The following NNT variants were observed in gnomAD, a reference collection of about 807,000 sequenced individuals.
NNT encodes NAD(P) transhydrogenase, mitochondrial.
A neutral mutation model predicts 104.8 loss-of-function variants in NNT; 50 were observed. The ratio of observed to expected loss-of-function variants is 0.48; its 90% CI spans 0.38 to 0.60. The LOEUF (loss-of-function observed/expected upper bound fraction) is 0.60. NNT is among the 20% of genes least tolerant of loss of function. NNT has a pLI of 0.00. For synonymous variants in NNT, 461 were observed against 490.4 expected (o/e 0.94, Z 0.79); for missense variants, 1,131 against 1,330.7 (o/e 0.85, Z 2.33).
At position 43,681,026 on chromosome 5, in the gene NNT, T is replaced by C. The variant is rs577491913; in HGVS notation, c.2876+3220T>C. Among the ~76,000 whole-genome samples, 36 of 152,106 alleles carry C rather than the reference T, an allele frequency of 2.4e-4. 1 individual carries two copies. In the South Asian group the frequency reaches 7.3e-3, roughly 31 times the overall value. ...CTGTAATCCCAGCACTTTGGGAGGC[T>C]GAGGCAGGCAGACCAAGAGGTCAGG... On this transcript the variant is annotated intron_variant, in intron 19 of 21. Transcript: ENST00000344920.
intron 19 of NNT, among the ~76,000 whole-genome samples, chr5:43,688,631 G>C (rs760060812): frequency 1.9e-4 from 29 of 151,852 alleles, no homozygotes; most frequent in Non-Finnish European, 3.8e-4. Flanking sequence ...TGATAGCTTA[G>C]CTCCCACTTA....
intron 19 of NNT, among the ~76,000 whole-genome samples, chr5:43,698,572 A>T (rs1230367722): frequency 6.6e-6 from 1 of 152,008 alleles, no homozygotes; most frequent in Non-Finnish European, 1.5e-5. Flanking sequence ...ATTTATTTCA[A>T]TGTTTAATAT....
In NNT at chr5:43,661,727, G is replaced by C. The variant is rs887048756; in HGVS notation, c.2634+2377G>C. 2.6e-5 allele frequency among the ~76,000 whole-genome samples: 4 copies of C among 151,748 alleles called. No individual in the cohort carries two copies. In the East Asian group the frequency reaches 7.8e-4, roughly 29 times the overall value. ...TTTCCAATTTCATCCATGTCCCTAC[G>C]AAGGACATGAACTCATCATTTTTTA... On this transcript the variant is annotated intron_variant, in intron 17 of 21. Transcript: ENST00000344920.
chr5:43,624,215 A>G (rs1750246428), intron 6 of NNT, 95 bp downstream of exon 6: 6 of 1,009,922 alleles, frequency 5.9e-6, no homozygotes, highest in Non-Finnish European at 9.5e-6. Context: ...GAAGTAGCAC[A>G]TTGCAACTGG....
At chr5:43,688,577 T>G (rs552575772) in intron 19 of NNT, among the ~76,000 whole-genome samples, 2 of 152,148 alleles carry the variant, frequency 1.3e-5, no homozygotes, top group African/African-American at 4.8e-5. Context: ...CCCTTTCCTC[T>G]GAGTCCCTAA....
At chr5:43,650,671 T>C (rs1739711188) in intron 12 of NNT, 84 bp downstream of exon 12, 2 of 1,014,416 alleles carry the variant, frequency 2.0e-6, no homozygotes. Context: ...TAGACATAAT[T>C]GTGCCTTCAA....
intron 8 of NNT, 58 bp downstream of exon 8, chr5:43,644,383 G>A: frequency 6.4e-7 from 1 of 1,561,928 alleles, no homozygotes; most frequent in Non-Finnish European, 8.7e-7. Flanking sequence ...GTTATGGGGG[G>A]GTGTTTATTT....
At position 43,670,576 on chromosome 5, in the gene NNT, A is replaced by G. The variant is rs537644142; in HGVS notation, c.2635-4935A>G. On this transcript the variant is annotated intron_variant, in intron 17 of 21. Transcript: ENST00000344920. ...TTCAGGAGCAGGTTGCTCAGTTTCC[A>G]TGTAGTTGAGTGGTTTTCAGTGAGT... 5.4e-4 allele frequency among the ~76,000 whole-genome samples: 82 copies of G among 152,294 alleles called. 1 individual carries two copies. The highest frequency in any genetic ancestry group is 1.9e-3 in the African/African-American group (80 of 41,558).
intron 19 of NNT, among the ~76,000 whole-genome samples, chr5:43,679,970 T>A (rs552532933): frequency 4.7e-4 from 71 of 151,960 alleles, no homozygotes; most frequent in Non-Finnish European, 9.0e-4. Context: ...GTCATCTTTC[T>A]TTCATATTAA....
chr5:43,672,080 T>C (rs1741133185), intron 17 of NNT, among the ~76,000 whole-genome samples: 1 of 152,278 alleles, frequency 6.6e-6, no homozygotes, highest in African/African-American at 2.4e-5. Flanking sequence ...TCGAATTGGC[T>C]ACTGAAACTT....
intron 6 of NNT, among the ~76,000 whole-genome samples, chr5:43,625,077 G>T (rs1393635890): frequency 1.3e-5 from 2 of 152,082 alleles, no homozygotes; most frequent in Non-Finnish European, 2.9e-5. Flanking sequence ...ACAAACCAAG[G>T]ATAGCTAGAG....
chr5:43,669,025 T>G (rs940061882), intron 17 of NNT, among the ~76,000 whole-genome samples: 2 of 152,204 alleles, frequency 1.3e-5, no homozygotes, highest in Admixed American at 6.5e-5. Context: ...CCTAGGTATT[T>G]TATTCTCTTT....
At chr5:43,675,064 T>G (rs1741339730) in intron 17 of NNT, among the ~76,000 whole-genome samples, 1 of 152,184 alleles carries the variant, frequency 6.6e-6, no homozygotes, top group South Asian at 2.1e-4. Context: ...GGCAGCAAAA[T>G]TCTAGATGAA....
Position 43,704,420 on chromosome 5 carries a change from C to T in NNT, c.*16C>T, listed in dbSNP as rs1216350199. 30 of 1,612,758 alleles carry T rather than the reference C, an allele frequency of 1.9e-5. No homozygotes were observed. Among genetic ancestry groups the T allele is most frequent in the Non-Finnish European group, 2.4e-5 (28 of 1,179,322 alleles). On this transcript the variant is annotated 3_prime_UTR_variant, in exon 22 of 22. Coordinates refer to ENST00000344920, the MANE Select transcript of NNT (RefSeq NM_182977.3). ...TCAGAAGTAAATATTAAGGATCAAG[C>T]TGTTAGCTAATAATGCCACCTCTGC... is the stretch of plus-strand genomic sequence containing the variant.
Position 43,659,377 on chromosome 5 carries a change from A to C in NNT, c.2634+27A>C, listed in dbSNP as rs372811680. 7 of 1,557,962 alleles carry C rather than the reference A, an allele frequency of 4.5e-6. No individual in the cohort carries two copies. In the African/African-American group the frequency reaches 9.6e-5, roughly 21 times the overall value. ...TAAGAAACAACACATACATGAAACA[A>C]AAGGAAATGGCTTCCTGAAAACATG... On this transcript the variant is annotated intron_variant, in intron 17 of 21. Coordinates refer to ENST00000344920, the MANE Select transcript of NNT (RefSeq NM_182977.3).
intron 5 of NNT, among the ~76,000 whole-genome samples, chr5:43,620,775 T>C (rs1006036370): frequency 6.6e-6 from 1 of 152,188 alleles, no homozygotes; most frequent in Non-Finnish European, 1.5e-5. Flanking sequence ...CATACAAAAA[T>C]GTCTGGCATG....
intron 8 of NNT, 118 bp downstream of exon 8, chr5:43,644,443 G>A (rs1403486898): frequency 7.5e-7 from 1 of 1,334,186 alleles, no homozygotes; most frequent in African/African-American, 1.5e-5. Flanking sequence ...ATTAAAAATA[G>A]GCATATTTAA....
chr5:43,668,194 T>C (rs1366005370), intron 17 of NNT, among the ~76,000 whole-genome samples: 1 of 152,056 alleles, frequency 6.6e-6, no homozygotes, highest in Non-Finnish European at 1.5e-5. Flanking sequence ...GATGAGTAGA[T>C]TGCAAAAATT....
intron 17 of NNT, among the ~76,000 whole-genome samples, chr5:43,671,979 A>G (rs62368566): frequency 0.14 from 22,026 of 151,928 alleles, 2,402 homozygotes; most frequent in African/African-American, 0.3. Context: ...GGCTTTCTTC[A>G]TTTCTTTTTA....
Sources: gnomAD v4.1 joint callset for allele counts (sites outside exome capture counted in the v4.1 genomes callset) on GRCh38, gnomAD v4.1.1 for gene constraint, MANE v1.5 for transcripts, NCBI Gene and HGNC (gene_info 2026-07-23, HGNC 2026-07-21) for gene names.